IKZF4: variants seen among roughly 807,000 people sequenced by gnomAD.
IKZF4 encodes the protein IKAROS family zinc finger 4.
Under a neutral mutation model 47.7 loss-of-function variants are expected in IKZF4, and 11 were observed. That is an observed-to-expected ratio of 0.23 (90% CI 0.15 to 0.38). The LOEUF (loss-of-function observed/expected upper bound fraction) is 0.38. Among genes scored for constraint, IKZF4 ranks in the 10% least tolerant of loss-of-function variants. The pLI is 1.00. For synonymous variants in IKZF4, 298 were observed against 299.4 expected (o/e 1.00, Z 0.05); for missense variants, 557 against 784.9 (o/e 0.71, Z 3.47).
At chr12:56,016,424 C>CTTTT (rs1316176573), upstream of IKZF4, among the ~76,000 whole-genome samples, 1 of 132,892 alleles carries the variant, frequency 7.5e-6, no homozygotes, top group African/African-American at 2.8e-5. Context: ...TTTTTCTTTT[C>CTTTT]TTTTTTTTTT....
intron 2 of IKZF4, 27 bp downstream of exon 2, chr12:56,023,791 G>T: frequency 6.2e-7 from 1 of 1,608,442 alleles, no homozygotes; most frequent in South Asian, 1.1e-5. Context: ...CTGGGCAATT[G>T]GGTAAAGTAC....
At chr12:56,027,598 A>G (rs1322572635) in intron 4 of IKZF4, among the ~76,000 whole-genome samples, 182 bp from the exon 5 acceptor site, 1 of 152,062 alleles carries the variant, frequency 6.6e-6, no homozygotes, top group Non-Finnish European at 1.5e-5. Context: ...TCCCCAGGGT[A>G]AGACCCCAGG....
chr12:56,020,092 T>C (rs1050055819), upstream of IKZF4, among the ~76,000 whole-genome samples: 1 of 152,268 alleles, frequency 6.6e-6, no homozygotes, highest in Non-Finnish European at 1.5e-5. Flanking sequence ...GGCTGCAGCA[T>C]GCAGCCCTCC....
At chr12:56,033,004 T>G (rs1246421818) in intron 6 of IKZF4, among the ~76,000 whole-genome samples, 186 bp from the exon 7 acceptor site, 1 of 152,112 alleles carries the variant, frequency 6.6e-6, no homozygotes, top group African/African-American at 2.4e-5. Flanking sequence ...ATGTGTATGA[T>G]TGTCCCCAAA....
At position 56,025,035 on chromosome 12, in the gene IKZF4, T is replaced by C; in HGVS notation, c.182-19T>C. The C allele has an allele frequency of 6.4e-7, 1 of 1,565,994 alleles. No individual in the cohort carries two copies. The highest frequency in any genetic ancestry group is 8.7e-7 in the Non-Finnish European group (1 of 1,154,870). ...TCTCCAGCTCCAGCTTTACCTGCCC[T>C]CTTGTTCTCTCCTCCAAGGTAGCGG... On this transcript the variant is annotated intron_variant, in intron 2 of 7. Coordinates refer to ENST00000547167, the MANE Select transcript of IKZF4 (RefSeq NM_022465.4).
chr12:56,008,807 T>C (rs1190470741), intron 1 of IKZF4, among the ~76,000 whole-genome samples: 2 of 151,684 alleles, frequency 1.3e-5, no homozygotes, highest in African/African-American at 4.8e-5. Flanking sequence ...CCCAAGTAGC[T>C]GGGATTACAG....
chr12:56,028,297 G>A (rs1303135180), intron 5 of IKZF4, among the ~76,000 whole-genome samples: 1 of 151,906 alleles, frequency 6.6e-6, no homozygotes, highest in African/African-American at 2.4e-5. Flanking sequence ...AGGCCAAGAT[G>A]GGCGGATCAC....
chr12:56,011,943 A>T (rs1330873904), intron 2 of IKZF4, among the ~76,000 whole-genome samples: 1 of 152,150 alleles, frequency 6.6e-6, no homozygotes, highest in Non-Finnish European at 1.5e-5. Context: ...TGATTTCAAC[A>T]TATTTTTGCT....
intron 4 of IKZF4, 45 bp from the exon 5 acceptor site, chr12:56,027,721 GGTTCAACCTTCAAA>G: frequency 6.4e-7 from 1 of 1,561,242 alleles, no homozygotes; most frequent in Non-Finnish European, 8.7e-7. Flanking sequence ...GTGGGTGATA[GGTTCAACCTTCAAA>G]GTTCCTCACA....
At position 56,023,693 on chromosome 12, in the gene IKZF4, G is replaced by A. The variant is rs1236028829; in HGVS notation, c.110G>A (p.Gly37Glu). Residue 37 changes from glycine (G) to glutamate (E), a missense_variant, in exon 2 of 8, where the codon GGG becomes GAG. Gly to Glu is a moderately conservative substitution (Grantham distance 98, BLOSUM62 -2). This residue lies in a region of IKZF4 where 112 missense variants were observed against 168.2 expected (regional missense o/e 0.67). Transcript: ENST00000547167. ...AAGCTGGAGAGGGATCCCTCAGGAG[G>A]GTGTGTTCCGGATTTCTTGCCTCAG... ...KDNLERDPSG[G>E]CVPDFLPQAQ... The A allele has an allele frequency of 6.2e-7, 1 of 1,613,816 alleles. No homozygotes were observed. The highest frequency in any genetic ancestry group is 8.5e-7 in the Non-Finnish European group (1 of 1,179,876).
chr12:56,024,834 T>G, intron 2 of IKZF4: 1 of 1,416,878 alleles, frequency 7.1e-7, no homozygotes, highest in Non-Finnish European at 9.2e-7. Flanking sequence ...TAGATAAAGG[T>G]AGGGTAGGCA....
At chr12:56,012,845 A>T (rs1338280482) in intron 2 of IKZF4, among the ~76,000 whole-genome samples, 1 of 152,198 alleles carries the variant, frequency 6.6e-6, no homozygotes, top group Non-Finnish European at 1.5e-5. Context: ...AGCTAGGCAC[A>T]GTGGCACATG....
chr12:56,031,906 C>G (rs1894967779), intron 5 of IKZF4, among the ~76,000 whole-genome samples: 1 of 152,116 alleles, frequency 6.6e-6, no homozygotes, highest in Non-Finnish European at 1.5e-5. Flanking sequence ...CAGAATTACT[C>G]TATCAGTGAT....
At chr12:56,016,371 C>T (rs1450415796), upstream of IKZF4, among the ~76,000 whole-genome samples, 2 of 151,394 alleles carry the variant, frequency 1.3e-5, no homozygotes, top group Non-Finnish European at 2.9e-5. Context: ...TGCCTCAGGG[C>T]GTTTAGTTTT....
intron 7 of IKZF4, among the ~76,000 whole-genome samples, 157 bp downstream of exon 7, chr12:56,033,478 T>C (rs909680770): frequency 2.4e-4 from 37 of 152,042 alleles, no homozygotes; most frequent in Non-Finnish European, 5.0e-4. Flanking sequence ...GAGGCCAAGG[T>C]GGGCAGATCA....
chr12:56,014,739 C>T (rs192796431), intron 2 of IKZF4, among the ~76,000 whole-genome samples: 1 of 152,052 alleles, frequency 6.6e-6, no homozygotes, highest in African/African-American at 2.4e-5. Flanking sequence ...AAACTCATGC[C>T]ACTGCACTCC....
chr12:56,024,653 T>C, intron 2 of IKZF4: 2 of 1,054,606 alleles, frequency 1.9e-6, no homozygotes, highest in Non-Finnish European at 2.3e-6. Context: ...CCAGTTACCT[T>C]TCCTGCAGAT....
chr12:56,013,614 G>T (rs753306774), intron 2 of IKZF4, among the ~76,000 whole-genome samples: 27 of 152,186 alleles, frequency 1.8e-4, no homozygotes, highest in Non-Finnish European at 2.8e-4. Flanking sequence ...CCAATTGGCA[G>T]TGCCTAATTT....
In IKZF4 at chr12:56,024,386, C is replaced by T. The variant is rs373569796; in HGVS notation, c.181+622C>T. On this transcript the variant is annotated intron_variant, in intron 2 of 7. Coordinates refer to ENST00000547167, the MANE Select transcript of IKZF4 (RefSeq NM_022465.4). ...TGTAGGTGCTGGTTAAGGACATGGACGCTTACTGTCTATGATCCCAGTTCC... is the reference window on the plus strand; with the variant it reads ...TGTAGGTGCTGGTTAAGGACATGGATGCTTACTGTCTATGATCCCAGTTCC... 7.9e-5 allele frequency among the ~76,000 whole-genome samples: 12 copies of T among 152,242 alleles called. No homozygotes were observed. In the East Asian group the frequency reaches 1.9e-3, roughly 24 times the overall value.
Sources: gnomAD v4.1 joint callset for allele counts (sites outside exome capture counted in the v4.1 genomes callset) on GRCh38, gnomAD v4.1.1 for gene constraint, gnomAD v4.1.1 regional missense constraint, MANE v1.5 for transcripts, NCBI Gene and HGNC (gene_info 2026-07-23, HGNC 2026-07-21) for gene names.